The following BMPER variants were observed in gnomAD, a reference collection of about 807,000 sequenced individuals.
The protein encoded by BMPER is BMP binding endothelial regulator, also known as BMP-binding endothelial regulator protein.
Under a neutral mutation model 87.3 loss-of-function variants are expected in BMPER, and 45 were observed. That is an observed-to-expected ratio of 0.52 (90% CI 0.41 to 0.66). BMPER has a LOEUF of 0.66. BMPER is among the 30% of genes least tolerant of loss of function. The probability of loss-of-function intolerance (pLI) is 0.00; values close to 1 mark genes in which losing one functional copy is unlikely to be tolerated. For missense variants in BMPER, 784 were observed against 867.5 expected, an observed-to-expected ratio of 0.90 and a Z score of 1.21; for synonymous variants, 326 against 316.2, an observed-to-expected ratio of 1.03 and a Z score of -0.33.
intron 13 of BMPER, among the ~76,000 whole-genome samples, chr7:34,122,476 T>A (rs1003476099): frequency 1.3e-5 from 2 of 152,194 alleles, no homozygotes; most frequent in Non-Finnish European, 2.9e-5. Context: ...CATGGCTGGA[T>A]TTTGAATAGA....
rs183988156 is a variant in BMPER, at chr7:34,146,231, C to T, written c.1876+2871C>T. On this transcript the variant is annotated intron_variant, in intron 14 of 14. Coordinates refer to ENST00000649409, the MANE Select transcript of BMPER (RefSeq NM_001365308.1). ...TTTAGCTCCCAGGTCCTTTGACTCA[C>T]GACGGCACTTGAGGCCACATAAGAC... Among the ~76,000 whole-genome samples, 4 of 152,214 alleles carry T rather than the reference C, an allele frequency of 2.6e-5. No individual in the cohort carries two copies. In the East Asian group the frequency reaches 5.8e-4, roughly 22 times the overall value.
chr7:34,129,106 C>T (rs906125206), intron 13 of BMPER, among the ~76,000 whole-genome samples: 2 of 152,122 alleles, frequency 1.3e-5, no homozygotes, highest in Non-Finnish European at 1.5e-5. Context: ...ATAAAGGTTA[C>T]CCCTTCCTCC....
At chr7:34,121,736 T>C (rs914403330) in intron 13 of BMPER, among the ~76,000 whole-genome samples, 15 of 152,360 alleles carry the variant, frequency 9.8e-5, no homozygotes, top group African/African-American at 3.4e-4. Context: ...CCTTCTCCTC[T>C]TACTTTTCAA....
intron 6 of BMPER, among the ~76,000 whole-genome samples, chr7:34,024,399 AT>A (rs1787299042): frequency 4.0e-5 from 1 of 24,808 alleles, no homozygotes; most frequent in Non-Finnish European, 7.3e-5. Flanking sequence ...ATATATATAT[AT>A]ATATATATAT....
intron 3 of BMPER, among the ~76,000 whole-genome samples, chr7:33,952,914 T>C (rs1785061831): frequency 1.3e-5 from 2 of 152,198 alleles, no homozygotes. Flanking sequence ...ACAATGTACA[T>C]TGGTATGTTC....
In BMPER at chr7:34,079,191, G is replaced by A. The variant is rs1788948229; in HGVS notation, c.1408+5G>A. On this transcript the variant is annotated splice_donor_5th_base_variant and intron_variant, in intron 12 of 14. Coordinates refer to ENST00000649409, the MANE Select transcript of BMPER (RefSeq NM_001365308.1). ...TGAAAGTGACCACCAAAGCAGGTGG[G>A]GCGTCTGTGGCCTCCCTCTTGCTCT... The A allele has an allele frequency of 1.2e-6, 2 of 1,613,418 alleles. No individual in the cohort carries two copies. Among genetic ancestry groups the A allele is most frequent in the Non-Finnish European group, 1.7e-6 (2 of 1,180,012 alleles).
chr7:34,047,499 G>A (rs538353364), intron 7 of BMPER, among the ~76,000 whole-genome samples: 7 of 151,942 alleles, frequency 4.6e-5, no homozygotes, highest in East Asian at 2.0e-4. Context: ...GGATGGTCTC[G>A]ATCTCCTGAC....
intron 6 of BMPER, among the ~76,000 whole-genome samples, chr7:34,031,204 T>C (rs1787508531): frequency 6.6e-6 from 1 of 152,034 alleles, no homozygotes; most frequent in Non-Finnish European, 1.5e-5. Context: ...AAAATGGTAA[T>C]AGTGGCCTAC....
intron 10 of BMPER, among the ~76,000 whole-genome samples, chr7:34,059,029 A>T (rs1040419054): frequency 6.6e-6 from 1 of 150,832 alleles, no homozygotes. Context: ...GAAAAAAAGA[A>T]AAAAAAAAAC....
At chr7:33,973,894 C>G (rs539148904) in intron 5 of BMPER, among the ~76,000 whole-genome samples, 17 of 152,184 alleles carry the variant, frequency 1.1e-4, no homozygotes, top group Admixed American at 3.9e-4. Context: ...CCATTTATGA[C>G]CTCTCTTTGG....
intron 3 of BMPER, among the ~76,000 whole-genome samples, chr7:33,963,033 T>C (rs575764566): frequency 2.9e-4 from 44 of 152,342 alleles, no homozygotes; most frequent in African/African-American, 8.7e-4. Flanking sequence ...TAGACCTGGA[T>C]GTAAAAATGT....
intron 3 of BMPER, among the ~76,000 whole-genome samples, chr7:33,951,419 C>T (rs1044484128): frequency 6.6e-6 from 1 of 152,096 alleles, no homozygotes; most frequent in African/African-American, 2.4e-5. Flanking sequence ...CATACTCTAA[C>T]CTTTGCTTGG....
At chr7:34,059,019 GA>G (rs879774581) in intron 10 of BMPER, among the ~76,000 whole-genome samples, 24 of 108,970 alleles carry the variant, frequency 2.2e-4, no homozygotes, top group Middle Eastern at 5.2e-3. Flanking sequence ...AAGAGGAGAG[GA>G]AAAAAAGAAA....
Position 33,917,988 on chromosome 7 carries a change from C to A in BMPER, c.219+11085C>A, listed in dbSNP as rs11974169. 9.1e-3 allele frequency among the ~76,000 whole-genome samples: 1,392 copies of A among 152,178 alleles called. 25 individuals carry two copies. The highest frequency in any genetic ancestry group is 0.031 in the African/African-American group (1,301 of 41,518). On this transcript the variant is annotated intron_variant, in intron 2 of 14. Transcript: ENST00000649409. The stretch of plus-strand genomic sequence containing the variant: ...CATTTCTTTGGGCCTCTATAAGAAA[C>A]ATTTTTAGCATCGTTTATTTTTATT...
intron 3 of BMPER, among the ~76,000 whole-genome samples, chr7:33,961,775 A>G (rs1315383159): frequency 6.6e-6 from 1 of 152,146 alleles, no homozygotes; most frequent in Admixed American, 6.5e-5. Context: ...AGATTGCCTT[A>G]GTTGAGGAAC....
At chr7:33,999,686 G>C (rs1368754663) in intron 6 of BMPER, among the ~76,000 whole-genome samples, 2 of 152,284 alleles carry the variant, frequency 1.3e-5, no homozygotes, top group Non-Finnish European at 2.9e-5. Flanking sequence ...CTCAGTTTCT[G>C]ACCTTCCCAC....
At chr7:34,119,514 T>C (rs1790209317) in intron 13 of BMPER, among the ~76,000 whole-genome samples, 1 of 152,226 alleles carries the variant, frequency 6.6e-6, no homozygotes, top group Non-Finnish European at 1.5e-5. Context: ...TTTAACCTTA[T>C]AAGTAATGCT....
In BMPER at chr7:34,051,945, A is replaced by G. The variant is rs377490730; in HGVS notation, c.761A>G (p.Asp254Gly). 5.0e-6 allele frequency: 8 copies of G among 1,613,806 alleles called. No individual in the cohort carries two copies. The highest frequency in any genetic ancestry group is 4.0e-5 in the African/African-American group (3 of 75,034). The change falls in exon 8 of 15, where the codon GAT (aspartate) becomes GGT (glycine). Residue 254 changes from aspartate to glycine, a missense_variant. Coordinates refer to ENST00000649409, the MANE Select transcript of BMPER (RefSeq NM_001365308.1). ...GACAATGGATCCTCATTTCTGTACG[A>G]TAACTGCACAGCTTGTACCTGCAGG... ...VYDNGSSFLY[D>G]NCTACTCRDS...
chr7:33,987,479 A>G (rs1399384570), intron 6 of BMPER, among the ~76,000 whole-genome samples: 1 of 152,174 alleles, frequency 6.6e-6, no homozygotes, highest in South Asian at 2.1e-4. Flanking sequence ...GCAGTGACTC[A>G]TCCTTCTGAA....
Sources: allele counts gnomAD v4.1 joint callset (sites outside exome capture counted in the v4.1 genomes callset), GRCh38; gene constraint gnomAD v4.1.1; transcripts MANE v1.5; gene names NCBI Gene and HGNC (gene_info 2026-07-23, HGNC 2026-07-21).